Variants in PIK3C2G observed in about 807,000 individuals in gnomAD.
PIK3C2G encodes the protein phosphatidylinositol-4-phosphate 3-kinase catalytic subunit type 2 gamma, also known as phosphatidylinositol 3-kinase C2 domain-containing subunit gamma.
A neutral mutation model predicts 181.1 loss-of-function variants in PIK3C2G; 168 were observed. The ratio of observed to expected loss-of-function variants is 0.93; its 90% CI spans 0.82 to 1.05. PIK3C2G has a LOEUF of 1.05. Among genes scored for constraint, PIK3C2G ranks in the 50% least tolerant of loss-of-function variants. The pLI is 0.00. For missense variants in PIK3C2G, 1,869 were observed against 1,732.8 expected (o/e 1.08, Z -1.40); for synonymous variants, 573 against 592.2 (o/e 0.97, Z 0.47).
intron 24 of PIK3C2G, among the ~76,000 whole-genome samples, chr12:18,520,222 T>C (rs894766028): frequency 6.6e-6 from 1 of 152,012 alleles, no homozygotes; most frequent in Admixed American, 6.6e-5. Flanking sequence ...AGAGATTGTC[T>C]TAGTGGTGTC....
chr12:18,409,523 G>T (rs1055341748), intron 16 of PIK3C2G, among the ~76,000 whole-genome samples: 6 of 151,998 alleles, frequency 3.9e-5, no homozygotes, highest in Non-Finnish European at 8.8e-5. Context: ...TTCTGAACAT[G>T]TACCCCAGAA....
intron 13 of PIK3C2G, among the ~76,000 whole-genome samples, chr12:18,373,107 C>T (rs192294095): frequency 1.1e-4 from 17 of 152,220 alleles, no homozygotes; most frequent in Middle Eastern, 3.4e-3. Flanking sequence ...TTTAAGAAAC[C>T]AGAAATATGT....
chr12:18,392,508 C>T (rs1248592098), intron 15 of PIK3C2G, among the ~76,000 whole-genome samples: 2 of 152,034 alleles, frequency 1.3e-5, no homozygotes, highest in Non-Finnish European at 2.9e-5. Flanking sequence ...ATTTGATATT[C>T]CCTCTGCCTG....
At chr12:18,496,263 G>T (rs1941004673) in intron 21 of PIK3C2G, 109 bp downstream of exon 21, 17 of 684,072 alleles carry the variant, frequency 2.5e-5, no homozygotes, top group Admixed American at 9.5e-5. Context: ...CAACACATAG[G>T]TTTTTCAGTT....
intron 18 of PIK3C2G, among the ~76,000 whole-genome samples, chr12:18,431,280 G>A (rs1041989107): frequency 9.2e-5 from 14 of 152,138 alleles, no homozygotes; most frequent in Admixed American, 9.2e-4. Flanking sequence ...GATGGACACT[G>A]TTGAATGATT....
At chr12:18,267,906 C>A (rs553961007) in intron 1 of PIK3C2G, among the ~76,000 whole-genome samples, 1 of 152,154 alleles carries the variant, frequency 6.6e-6, no homozygotes, top group Non-Finnish European at 1.5e-5. Flanking sequence ...ACCATAGATG[C>A]GACATTTTGC....
rs576953797 is a variant in PIK3C2G, at chr12:18,306,928, A to C, written c.1035-7034A>C. Among the ~76,000 whole-genome samples, 68 of 151,900 alleles carry C rather than the reference A, an allele frequency of 4.5e-4. 3 individuals are homozygous for C. In the South Asian group the frequency reaches 0.012, roughly 28 times the overall value. ...ACCTCTGTGACTACTTCTTACATGT[A>C]AGAATAAAGAACATTTTAGCTTAAT... is the stretch of plus-strand genomic sequence containing the variant. On this transcript the variant is annotated intron_variant, in intron 5 of 32. Transcript: ENST00000538779.
intron 1 of PIK3C2G, among the ~76,000 whole-genome samples, chr12:18,270,356 A>C (rs997541794): frequency 6.6e-6 from 1 of 152,058 alleles, no homozygotes; most frequent in African/African-American, 2.4e-5. Flanking sequence ...GTGAAGATAA[A>C]ACTCTCTTGA....
In PIK3C2G at chr12:18,547,845, C is replaced by T. The variant is rs554055710; in HGVS notation, c.3590+1413C>T. Among the ~76,000 whole-genome samples, 49 of 151,892 alleles carry T rather than the reference C, an allele frequency of 3.2e-4. 1 individual carries two copies. In the East Asian group the frequency reaches 9.3e-3, roughly 29 times the overall value. On this transcript the variant is annotated intron_variant, in intron 26 of 32. Transcript: ENST00000538779. Reference sequence around the variant, plus strand: ...GTTCGACTGTGGCCAAAGACATTAGCTTGAAGACTTGGGGAGGTATTTTAG... The same window carrying T: ...GTTCGACTGTGGCCAAAGACATTAGTTTGAAGACTTGGGGAGGTATTTTAG...
intron 11 of PIK3C2G, chr12:18,358,588 C>T (rs1940958665): frequency 2.3e-6 from 1 of 433,228 alleles, no homozygotes; most frequent in Admixed American, 2.6e-5. Context: ...AAGAACTTAA[C>T]CCAGTTAAGA....
chr12:18,562,710 A>T lies in PIK3C2G; in HGVS notation c.3598A>T (p.Lys1200Ter). 4 of 1,580,556 alleles carry T rather than the reference A, an allele frequency of 2.5e-6. No homozygotes were observed. Among genetic ancestry groups the T allele is most frequent in the Non-Finnish European group, 2.6e-6 (3 of 1,157,572 alleles). Residue 1200 changes from lysine to a stop codon, truncating the protein, a stop_gained, in exon 27 of 33, where the codon AAG (lysine) becomes TAG (stop). Coordinates refer to ENST00000538779, the MANE Select transcript of PIK3C2G (RefSeq NM_001288772.2). LOFTEE classifies it high-confidence loss of function. ...TCTTTTACATTTCTCTAGGAAAATA[A>T]AGGAAAGTCTGGAGTGTTTCCCTGT... ...EATSHFTKKI[K>*]ESLECFPVKL... is the part of the protein sequence containing the mutation.
chr12:18,700,848 A>C, the PIK3C2G span, among the ~76,000 whole-genome samples: 12 of 152,282 alleles, frequency 7.9e-5, no homozygotes, highest in East Asian at 2.1e-3. Context: ...TACATATAAC[A>C]TTATGTATTA....
intron 18 of PIK3C2G, among the ~76,000 whole-genome samples, chr12:18,438,091 G>C (rs1415260239): frequency 6.6e-6 from 1 of 151,838 alleles, no homozygotes; most frequent in Non-Finnish European, 1.5e-5. Flanking sequence ...ACAAACACTA[G>C]AGTCATTTTT....
At chr12:18,432,050 T>C (rs908640361) in intron 18 of PIK3C2G, among the ~76,000 whole-genome samples, 1 of 152,180 alleles carries the variant, frequency 6.6e-6, no homozygotes, top group African/African-American at 2.4e-5. Context: ...AACAGTTGTT[T>C]TTGTCTGTTT....
chr12:18,470,299 A>C (rs1246650738), intron 18 of PIK3C2G, among the ~76,000 whole-genome samples: 1 of 152,142 alleles, frequency 6.6e-6, no homozygotes, highest in Non-Finnish European at 1.5e-5. Context: ...CGTTAGCAGA[A>C]AAAGTCTTCA....
chr12:18,484,988 G>GA (rs1939894751), intron 18 of PIK3C2G, among the ~76,000 whole-genome samples: 1 of 152,148 alleles, frequency 6.6e-6, no homozygotes, highest in African/African-American at 2.4e-5. Context: ...GTGGGAAGGG[G>GA]AAGCCCTGGA....
intron 1 of PIK3C2G, among the ~76,000 whole-genome samples, chr12:18,274,722 G>A (rs1591801364): frequency 6.6e-6 from 1 of 152,092 alleles, no homozygotes; most frequent in African/African-American, 2.4e-5. Flanking sequence ...GTTAATGGGT[G>A]CAGCACACCA....
At chr12:18,247,528 A>G (rs1948052636), upstream of PIK3C2G, 1 of 152,222 alleles carries the variant, frequency 6.6e-6, no homozygotes. Context: ...TGGCCAATGC[A>G]TAGGATTTTA....
At chr12:18,719,872 T>C in the PIK3C2G span, among the ~76,000 whole-genome samples, 14 of 152,198 alleles carry the variant, frequency 9.2e-5, no homozygotes, top group East Asian at 2.7e-3. Context: ...TTTTTTTATG[T>C]TTTGAAAATA....
Sources: gnomAD v4.1 joint callset for allele counts (sites outside exome capture counted in the v4.1 genomes callset) on GRCh38, gnomAD v4.1.1 for gene constraint, MANE v1.5 for transcripts, NCBI Gene and HGNC (gene_info 2026-07-23, HGNC 2026-07-21) for gene names.